MEMO1: variants seen among roughly 807,000 people sequenced by gnomAD.
MEMO1 encodes mediator of cell motility 1, also known as protein MEMO1.
In MEMO1, 6 loss-of-function variants were observed where a neutral mutation model predicts 45.2. That is an observed-to-expected ratio of 0.13 (90% CI 0.07 to 0.26). The LOEUF (loss-of-function observed/expected upper bound fraction) is 0.26, where lower values mean the gene tolerates loss of function less well. MEMO1 is among the 10% of genes least tolerant of loss of function. The probability of loss-of-function intolerance (pLI) is 1.00; values close to 1 mark genes in which losing one functional copy is unlikely to be tolerated. For synonymous variants in MEMO1, 78 were observed against 124.3 expected (o/e 0.63, Z 2.48); for missense variants, 184 against 370.5 (o/e 0.50, Z 4.13).
At position 31,911,184 on chromosome 2, in the gene MEMO1, T is replaced by C. The variant is rs558444336; in HGVS notation, c.437+6742A>G. Reference sequence around the variant, plus strand: ...CCACAAAATGAAACAAAAAATGAAATACTATTCAGTGATAAAGAGAAGTTA... The same window carrying C: ...CCACAAAATGAAACAAAAAATGAAACACTATTCAGTGATAAAGAGAAGTTA... On this transcript the variant is annotated intron_variant, in intron 6 of 9. Coordinates refer to ENST00000404530, the MANE Select transcript of MEMO1 (RefSeq NM_001301833.4). Among the ~76,000 whole-genome samples, 9 of 152,108 alleles carry C rather than the reference T, an allele frequency of 5.9e-5. No individual in the cohort carries two copies. The Middle Eastern group carries it at 9.5e-3, about 160-fold the overall frequency.
At chr2:31,897,268 A>C (rs555851736) in intron 6 of MEMO1, among the ~76,000 whole-genome samples, 22 of 152,208 alleles carry the variant, frequency 1.4e-4, no homozygotes, top group Non-Finnish European at 2.8e-4. Context: ...GTTGAATAGG[A>C]GTGGTGAGAG....
intron 3 of MEMO1, among the ~76,000 whole-genome samples, chr2:31,937,032 C>A (rs1157338734): frequency 6.6e-6 from 1 of 152,192 alleles, no homozygotes; most frequent in Non-Finnish European, 1.5e-5. Flanking sequence ...CTCCTCTGAA[C>A]AGATGGGATC....
intron 4 of MEMO1, among the ~76,000 whole-genome samples, chr2:31,921,376 T>C (rs1322564668): frequency 6.6e-6 from 1 of 152,238 alleles, no homozygotes; most frequent in Non-Finnish European, 1.5e-5. Flanking sequence ...CTAATACACC[T>C]AATAATGACT....
At chr2:31,985,947 G>A (rs1671205884) in intron 2 of MEMO1, among the ~76,000 whole-genome samples, 1 of 151,962 alleles carries the variant, frequency 6.6e-6, no homozygotes, top group Non-Finnish European at 1.5e-5. Flanking sequence ...TGATCAACAT[G>A]GCAAGATCCC....
intron 4 of MEMO1, among the ~76,000 whole-genome samples, chr2:31,930,812 T>A (rs1239918977): frequency 3.1e-5 from 4 of 127,994 alleles, no homozygotes; most frequent in Non-Finnish European, 5.0e-5. Flanking sequence ...CGCCTGGCAA[T>A]TTTTTTTTTT....
At chr2:31,995,873 G>C (rs761948664) in intron 2 of MEMO1, among the ~76,000 whole-genome samples, 1 of 151,954 alleles carries the variant, frequency 6.6e-6, no homozygotes, top group African/African-American at 2.4e-5. Flanking sequence ...ATTGTCAAGC[G>C]ACCTGAAGAA....
intron 5 of MEMO1, among the ~76,000 whole-genome samples, chr2:31,918,489 GCA>G (rs1487540499): frequency 5.3e-5 from 8 of 152,050 alleles, no homozygotes; most frequent in Non-Finnish European, 1.5e-5. Flanking sequence ...GAGGTCAAAA[GCA>G]CAGTTTCTGA....
At chr2:31,943,069 A>G (rs1424342369) in intron 3 of MEMO1, among the ~76,000 whole-genome samples, 3 of 152,186 alleles carry the variant, frequency 2.0e-5, no homozygotes, top group African/African-American at 4.8e-5. Context: ...GTTTAAGACC[A>G]GCCTGGCCAA....
At position 31,965,502 on chromosome 2, in the gene MEMO1, T is replaced by G. The variant is rs572479191; in HGVS notation, c.62-22119A>C. Among the ~76,000 whole-genome samples the G allele has an allele frequency of 8.6e-4, 131 of 152,194 alleles. 1 individual carries two copies. The South Asian group carries it at 0.01, about 12-fold the overall frequency. On this transcript the variant is annotated intron_variant, in intron 2 of 9. Coordinates refer to ENST00000404530, the MANE Select transcript of MEMO1 (RefSeq NM_001301833.4). ...TTTCCACTGTTACAGAACCACAATT[T>G]TAGAGTTGGAAAGAATATTATAAAT...
At chr2:31,966,732 C>CAAAA (rs758359349) in intron 2 of MEMO1, among the ~76,000 whole-genome samples, 2 of 117,842 alleles carry the variant, frequency 1.7e-5, no homozygotes, top group African/African-American at 6.1e-5. Context: ...GACTCTGTCT[C>CAAAA]AAAAAAAAAA....
intron 2 of MEMO1, among the ~76,000 whole-genome samples, chr2:31,951,814 A>T (rs1666881078): frequency 6.6e-6 from 1 of 152,176 alleles, no homozygotes; most frequent in African/African-American, 2.4e-5. Flanking sequence ...TACAGGTGTG[A>T]GCCACCACGC....
intron 2 of MEMO1, among the ~76,000 whole-genome samples, chr2:31,983,876 A>G (rs1670955513): frequency 6.6e-6 from 1 of 152,272 alleles, no homozygotes; most frequent in Non-Finnish European, 1.5e-5. Flanking sequence ...TTAAAAGTCC[A>G]AAGAATGGAA....
intron 9 of MEMO1, 98 bp from the exon 10 acceptor site, chr2:31,868,590 C>A: frequency 8.9e-7 from 1 of 1,123,574 alleles, no homozygotes; most frequent in African/African-American, 1.6e-5. Flanking sequence ...CAGCTGAAGC[C>A]TAGATTATCT....
chr2:31,990,320 T>C (rs1462599832), intron 2 of MEMO1, among the ~76,000 whole-genome samples: 2 of 152,230 alleles, frequency 1.3e-5, no homozygotes, highest in East Asian at 1.9e-4. Flanking sequence ...CTCTTCTTGT[T>C]CCGAAAGATA....
chr2:31,899,540 G>T (rs1678445980), intron 6 of MEMO1, among the ~76,000 whole-genome samples: 1 of 152,134 alleles, frequency 6.6e-6, no homozygotes. Flanking sequence ...TAACTTAAAT[G>T]GATTAAAAAC....
At chr2:31,933,261 G>A (rs1664402330) in intron 3 of MEMO1, among the ~76,000 whole-genome samples, 2 of 128,172 alleles carry the variant, frequency 1.6e-5, no homozygotes, top group African/African-American at 5.9e-5. Context: ...ATATTACAGT[G>A]AGCTATGATC....
At chr2:31,961,874 T>C (rs1668045212) in intron 2 of MEMO1, among the ~76,000 whole-genome samples, 1 of 152,130 alleles carries the variant, frequency 6.6e-6, no homozygotes. Context: ...TCAAGTTTCC[T>C]CAAGGTCACA....
chr2:31,875,394 G>A (rs1327679833), intron 8 of MEMO1, among the ~76,000 whole-genome samples: 1 of 152,046 alleles, frequency 6.6e-6, no homozygotes, highest in Non-Finnish European at 1.5e-5. Flanking sequence ...AGTACCACAA[G>A]TGAGTTCTGT....
intron 4 of MEMO1, among the ~76,000 whole-genome samples, chr2:31,931,863 T>A (rs892298887): frequency 2.6e-5 from 4 of 152,040 alleles, no homozygotes; most frequent in African/African-American, 2.4e-5. Context: ...AAAGGGAAGG[T>A]AAAAATCAAA....
Sources: allele counts gnomAD v4.1 joint callset (sites outside exome capture counted in the v4.1 genomes callset), GRCh38; gene constraint gnomAD v4.1.1; transcripts MANE v1.5; gene names NCBI Gene and HGNC (gene_info 2026-07-23, HGNC 2026-07-21).